Variants in TUSC3 observed in about 807,000 individuals in gnomAD.
TUSC3 encodes the protein tumor suppressor candidate 3.
A neutral mutation model predicts 44.8 loss-of-function variants in TUSC3; 45 were observed. The observed-to-expected ratio is 1.00, with a 90% confidence interval of 0.79 to 1.29. The LOEUF (loss-of-function observed/expected upper bound fraction) is 1.29. Ranked by LOEUF, TUSC3 falls within the 50% of genes most tolerant of loss-of-function variation. The probability of loss-of-function intolerance (pLI) is 0.00; values close to 1 mark genes in which losing one functional copy is unlikely to be tolerated. For synonymous variants in TUSC3, 212 were observed against 152.9 expected (o/e 1.39, Z -2.85); for missense variants, 519 against 437.9 (o/e 1.19, Z -1.65).
At chr8:15,698,564 T>C (rs1334842880) in intron 6 of TUSC3, among the ~76,000 whole-genome samples, 1 of 152,192 alleles carries the variant, frequency 6.6e-6, no homozygotes, top group Non-Finnish European at 1.5e-5. Context: ...CTTTATTATG[T>C]TACCGAGGTA....
chr8:15,755,056 C>G (rs758318266), intron 9 of TUSC3, among the ~76,000 whole-genome samples: 4 of 151,964 alleles, frequency 2.6e-5, no homozygotes, highest in Non-Finnish European at 5.9e-5. Context: ...TAAATCTTCC[C>G]CTAAAGTTTA....
chr8:15,649,636 G>T (rs1585192470), intron 2 of TUSC3, among the ~76,000 whole-genome samples: 1 of 150,644 alleles, frequency 6.6e-6, no homozygotes, highest in Admixed American at 6.6e-5. Flanking sequence ...TTAGCTTCAT[G>T]TTTTTTTTAA....
At position 15,743,528 on chromosome 8, in the gene TUSC3, A is replaced by G. The variant is rs1166904265; in HGVS notation, c.863-10A>G. 6.2e-7 allele frequency: 1 copy of G among 1,613,880 alleles called. No individual in the cohort carries two copies. Among genetic ancestry groups the G allele is most frequent in the Non-Finnish European group, 8.5e-7 (1 of 1,179,756 alleles). ...ATCTATGTCTACGGCTTCCTTGACA[A>G]CTACTGCAGATGCCGCTATCACCAT... On this transcript the variant is annotated splice_polypyrimidine_tract_variant and intron_variant, in intron 7 of 10. Transcript: ENST00000503731.
chr8:15,561,724 C>G (rs1585102707), intron 1 of TUSC3: 1 of 148,218 alleles, frequency 6.7e-6, no homozygotes, highest in African/African-American at 2.5e-5. Flanking sequence ...TTTTTTAAGC[C>G]CGTCGGAAAA....
chr8:15,829,761 T>G, the TUSC3 span, among the ~76,000 whole-genome samples: 1 of 152,124 alleles, frequency 6.6e-6, no homozygotes, highest in Non-Finnish European at 1.5e-5. Context: ...AATATTTAAT[T>G]AATTTAGAAG....
the TUSC3 span, among the ~76,000 whole-genome samples, chr8:15,834,192 T>C: frequency 1.3e-5 from 2 of 151,572 alleles, no homozygotes; most frequent in Non-Finnish European, 2.9e-5. Flanking sequence ...GCACATTACA[T>C]AAGTTTTCAT....
chr8:15,851,584 G>A, the TUSC3 span, among the ~76,000 whole-genome samples: 11 of 152,310 alleles, frequency 7.2e-5, no homozygotes, highest in African/African-American at 2.2e-4. Flanking sequence ...ACACGTGAGC[G>A]TCATGGCGAG....
At chr8:15,758,268 G>A in intron 10 of TUSC3, 1 of 982,498 alleles carries the variant, frequency 1.0e-6, no homozygotes, top group Non-Finnish European at 1.2e-6. Context: ...AAAAATACAA[G>A]TCTTCCAAAC....
intron 1 of TUSC3, among the ~76,000 whole-genome samples, chr8:15,561,977 G>T (rs1202763952): frequency 6.6e-6 from 1 of 152,184 alleles, no homozygotes; most frequent in East Asian, 1.9e-4. Flanking sequence ...CGTTGCTCAG[G>T]CTGGGAGCTG....
Position 15,719,508 on chromosome 8 carries a change from CACACACACCACACACA to C in TUSC3, c.799-11157_799-11142del, listed in dbSNP as rs995985590. Reference sequence around the variant, plus strand: ...GTATACAGTTCATCACACACACACACACACACACCACACACACACACACACACACACACACACACAG... The same window carrying C: ...GTATACAGTTCATCACACACACACACCACACACACACACACACACACACAG... On this transcript the variant is annotated intron_variant, in intron 6 of 10. Coordinates refer to ENST00000503731, the MANE Select transcript of TUSC3 (RefSeq NM_006765.4). Among the ~76,000 whole-genome samples, 11 of 38,336 alleles carry C rather than the reference CACACACACCACACACA, an allele frequency of 2.9e-4. 1 individual carries two copies. The highest frequency in any genetic ancestry group is 7.9e-4 in the African/African-American group (6 of 7,600). 25.1% of individuals were successfully genotyped at this position (38,336 alleles called of 152,430 possible).
chr8:15,493,251 C>A (rs943049655), intron 2 of TUSC3, among the ~76,000 whole-genome samples: 1 of 152,116 alleles, frequency 6.6e-6, no homozygotes, highest in Non-Finnish European at 1.5e-5. Flanking sequence ...AACTTTCAGA[C>A]ATCAACTTTT....
intron 1 of TUSC3, among the ~76,000 whole-genome samples, chr8:15,429,223 G>A (rs1473095977): frequency 6.6e-6 from 1 of 152,164 alleles, no homozygotes; most frequent in Non-Finnish European, 1.5e-5. Context: ...TTATTAAATA[G>A]GGAATCCTTT....
intron 2 of TUSC3, among the ~76,000 whole-genome samples, chr8:15,650,009 C>A (rs918297267): frequency 2.6e-5 from 4 of 152,002 alleles, no homozygotes; most frequent in African/African-American, 9.7e-5. Flanking sequence ...CTTCTCTGTT[C>A]CTACATAAAG....
chr8:15,821,781 G>C, the TUSC3 span, among the ~76,000 whole-genome samples: 1 of 100,910 alleles, frequency 9.9e-6, no homozygotes, highest in African/African-American at 3.9e-5. Flanking sequence ...TTATATACTT[G>C]TTTGTTTGTG....
At chr8:15,491,403 C>T (rs1255446427) in intron 2 of TUSC3, among the ~76,000 whole-genome samples, 1 of 152,066 alleles carries the variant, frequency 6.6e-6, no homozygotes, top group Non-Finnish European at 1.5e-5. Context: ...CCCAGCTTGA[C>T]TTTTCCCTTT....
Position 15,662,269 on chromosome 8 carries a change from C to T in TUSC3, c.681C>T (p.Asn227=), listed in dbSNP as rs1188364534. The change falls in exon 5 of 11, where the codon AAC becomes AAT. Residue 227 remains asparagine (N), a synonymous_variant. Coordinates refer to ENST00000503731, the MANE Select transcript of TUSC3 (RefSeq NM_006765.4). The stretch of plus-strand genomic sequence containing the variant: ...GGAACAACTTGGAGTTCATCTATAA[C>T]AAGACTGGTTGGGCCATGGTGTCTC... The part of the protein sequence containing the change: ...LRRNNLEFIY[N]KTGWAMVSLC... 1.9e-6 allele frequency: 3 copies of T among 1,612,500 alleles called. No individual in the cohort carries two copies. In the Admixed American group the frequency reaches 5.0e-5, roughly 27 times the overall value.
the TUSC3 span, among the ~76,000 whole-genome samples, chr8:15,826,676 T>G: frequency 1.3e-5 from 2 of 152,242 alleles, no homozygotes; most frequent in South Asian, 4.1e-4. Context: ...TCAAGCATGC[T>G]GTCACATAGG....
intron 2 of TUSC3, among the ~76,000 whole-genome samples, chr8:15,517,973 C>G (rs1284181058): frequency 1.5e-5 from 2 of 132,320 alleles, no homozygotes; most frequent in African/African-American, 5.3e-5. Context: ...TTACAACCCT[C>G]AAGAACAAAC....
At chr8:15,447,776 A>G (rs115818085) in intron 1 of TUSC3, among the ~76,000 whole-genome samples, 166 of 151,710 alleles carry the variant, frequency 1.1e-3, no homozygotes, top group African/African-American at 2.3e-3. Context: ...AGTGTACATG[A>G]TGTAAAATGT....
Sources: gnomAD v4.1 joint callset for allele counts (sites outside exome capture counted in the v4.1 genomes callset) on GRCh38, gnomAD v4.1.1 for gene constraint, MANE v1.5 for transcripts, NCBI Gene and HGNC (gene_info 2026-07-23, HGNC 2026-07-21) for gene names.